The following PSMD7 variants were observed in gnomAD, a reference collection of about 807,000 sequenced individuals.
PSMD7 encodes 26S proteasome non-ATPase regulatory subunit 7.
PSMD7 carries 13 observed loss-of-function variants against 36.4 expected under a neutral mutation model. The observed-to-expected ratio is 0.36, with a 90% confidence interval of 0.23 to 0.57. The LOEUF (loss-of-function observed/expected upper bound fraction) is 0.57, where lower values mean the gene tolerates loss of function less well. Ranked by LOEUF, PSMD7 falls within the 20% of genes least tolerant of loss-of-function variation. The pLI, the probability that PSMD7 is intolerant of heterozygous loss-of-function variation, is 0.83. For synonymous variants in PSMD7, 186 were observed against 151.0 expected, an observed-to-expected ratio of 1.23 and a Z score of -1.70; for missense variants, 298 against 393.6, an observed-to-expected ratio of 0.76 and a Z score of 2.06.
At chr16:74,303,629 A>G (rs1287444133) in intron 5 of PSMD7, among the ~76,000 whole-genome samples, 1 of 152,142 alleles carries the variant, frequency 6.6e-6, no homozygotes, top group Non-Finnish European at 1.5e-5. Flanking sequence ...GAATCGTTTG[A>G]TCCAAGAGAC....
At chr16:74,300,279 G>T (rs1276250941) in intron 2 of PSMD7, 73 bp downstream of exon 2, 35 of 1,375,452 alleles carry the variant, frequency 2.5e-5, no homozygotes, top group Non-Finnish European at 2.7e-5. Context: ...ATAAACCTTT[G>T]TTACCGCTTT....
At chr16:74,303,974 AG>A (rs2034175844) in intron 5 of PSMD7, 1 of 176,720 alleles carries the variant, frequency 5.7e-6, no homozygotes, top group Non-Finnish European at 1.2e-5. Flanking sequence ...CTGAGATTAC[AG>A]GTCCGTGCCT....
intron 5 of PSMD7, among the ~76,000 whole-genome samples, chr16:74,303,122 T>C (rs566711630): frequency 6.6e-6 from 1 of 152,180 alleles, no homozygotes; most frequent in African/African-American, 2.4e-5. Flanking sequence ...AGGGGACATA[T>C]GGGTCATGTT....
Position 74,305,632 on chromosome 16 carries a change from G to A in PSMD7, c.874G>A (p.Glu292Lys). The A allele has an allele frequency of 6.3e-7, 1 of 1,585,600 alleles. No individual in the cohort carries two copies. Among genetic ancestry groups the A allele is most frequent in the Non-Finnish European group, 8.6e-7 (1 of 1,160,800 alleles). ...GGATGCAGAGAAGAAAGAAGGGCAG[G>A]AGAAAGAAGAGAGCAAAAAGGATAG... is the stretch of plus-strand genomic sequence containing the variant. ...NRDAEKKEGQ[E>K]KEESKKDRKE... Residue 292 changes from glutamate to lysine, a missense_variant, in exon 7 of 7, where the codon GAG (glutamate) becomes AAG (lysine). Physicochemically the swap from Glu to Lys is moderately conservative, Grantham distance 56. Coordinates refer to ENST00000219313, the MANE Select transcript of PSMD7 (RefSeq NM_002811.5).
intron 1 of PSMD7, among the ~76,000 whole-genome samples, chr16:74,297,905 T>C (rs984129716): frequency 6.6e-6 from 1 of 152,172 alleles, no homozygotes; most frequent in African/African-American, 2.4e-5. Context: ...CTGGATCAGC[T>C]GTGGTTTTAA....
At chr16:74,298,699 C>T (rs777117475) in intron 1 of PSMD7, among the ~76,000 whole-genome samples, 10 of 151,418 alleles carry the variant, frequency 6.6e-5, no homozygotes, top group Non-Finnish European at 1.3e-4. Flanking sequence ...CCCTTCTCTA[C>T]CAAAAAAAAA....
chr16:74,301,517 T>A (rs753978574), intron 3 of PSMD7, 38 bp from the exon 4 acceptor site: 194 of 1,453,416 alleles, frequency 1.3e-4, no homozygotes, highest in Non-Finnish European at 1.8e-4. Context: ...TAGATCTTCA[T>A]GAAATAGTTA....
chr16:74,298,383 T>G (rs1415246141), intron 1 of PSMD7, among the ~76,000 whole-genome samples: 1 of 152,200 alleles, frequency 6.6e-6, no homozygotes, highest in Non-Finnish European at 1.5e-5. Context: ...GCATCTGCTA[T>G]AAAGCCATTC....
chr16:74,305,323 C>T lies in PSMD7; in HGVS notation c.565C>T (p.Gln189Ter). 1 of 1,613,578 alleles carries T rather than the reference C, an allele frequency of 6.2e-7. No individual in the cohort carries two copies. Among genetic ancestry groups the T allele is most frequent in the Non-Finnish European group, 8.5e-7 (1 of 1,179,836 alleles). ...IKDTTVGTLS[Q>*]RITNQVHGLK... ...AGACACGACGGTGGGCACTCTGTCC[C>T]AGCGGATCACAAACCAGGTCCATGG... Residue 189 changes from glutamine (Q) to a stop codon, truncating the protein, a stop_gained, in exon 7 of 7, where the codon CAG becomes TAG. Transcript: ENST00000219313. LOFTEE classifies it high-confidence loss of function.
Position 74,305,492 on chromosome 16 carries a change from T to G in PSMD7, c.734T>G (p.Phe245Cys). The change falls in exon 7 of 7, where the codon TTC becomes TGC. Residue 245 changes from phenylalanine to cysteine, a missense_variant. Transcript: ENST00000219313. ...NLLPDVSLQE[F>C]VKAFYLKTND... is the part of the protein sequence containing the mutation. ...CTGCCAGATGTCAGCCTGCAGGAGT[T>G]CGTCAAGGCCTTTTACCTGAAGACC... 6.2e-7 allele frequency: 1 copy of G among 1,614,186 alleles called. No homozygotes were observed. Among genetic ancestry groups the G allele is most frequent in the Non-Finnish European group, 8.5e-7 (1 of 1,180,028 alleles).
rs768259581 is a variant in PSMD7 at position 74,305,385 on chromosome 16, G to C, written c.627G>C (p.Arg209Ser). 8.7e-6 allele frequency: 14 copies of C among 1,614,150 alleles called. No individual in the cohort carries two copies. The highest frequency in any genetic ancestry group is 1.6e-4 in the Middle Eastern group (1 of 6,062). ...TGAACTCCAAGCTTCTGGATATCAG[G>C]AGCTACCTGGAAAAAGTCGCCACAG... is the stretch of plus-strand genomic sequence containing the variant. ...KGLNSKLLDI[R>S]SYLEKVATGK... is the part of the protein sequence containing the mutation. Residue 209 changes from arginine (R) to serine (S), a missense_variant, in exon 7 of 7, where the codon AGG (arginine) becomes AGC (serine). Physicochemically the swap from Arg to Ser is moderately radical, Grantham distance 110. Coordinates refer to ENST00000219313, the MANE Select transcript of PSMD7 (RefSeq NM_002811.5).
intron 5 of PSMD7, 88 bp downstream of exon 5, chr16:74,302,380 C>A: frequency 9.5e-7 from 1 of 1,053,094 alleles, no homozygotes; most frequent in South Asian, 1.4e-5. Flanking sequence ...GTCAACAAAT[C>A]CTTTGTCTCC....
chr16:74,300,236 C>T (rs1414766642), intron 2 of PSMD7, 30 bp downstream of exon 2: 2 of 1,570,704 alleles, frequency 1.3e-6, no homozygotes, highest in Non-Finnish European at 1.8e-6. Flanking sequence ...TTTTTCCGAG[C>T]ATGATTAAAA....
chr16:74,304,282 T>G, intron 5 of PSMD7, 21 bp from the exon 6 acceptor site: 1 of 1,601,332 alleles, frequency 6.2e-7, no homozygotes, highest in Non-Finnish European at 8.6e-7. Context: ...TAAATAATTA[T>G]AGTTAGGCTT....
chr16:74,303,752 C>T (rs2034173967), intron 5 of PSMD7, among the ~76,000 whole-genome samples: 1 of 151,394 alleles, frequency 6.6e-6, no homozygotes, highest in East Asian at 1.9e-4. Context: ...AAGACAATCT[C>T]ACTCTGTTGC....
rs761290516 is a variant in PSMD7, at chr16:74,300,097, A to G, written c.75-18A>G. 1.9e-6 allele frequency: 3 copies of G among 1,609,836 alleles called. No individual in the cohort carries two copies. In the African/African-American group the frequency reaches 4.0e-5, roughly 22 times the overall value. On this transcript the variant is annotated intron_variant, in intron 1 of 6. Transcript: ENST00000219313. ...CTGTGCGAGCCTATCCACACTGACCATCTGTTTTCTCATTCAGAATCGGCA... is the reference window on the plus strand; with the variant it reads ...CTGTGCGAGCCTATCCACACTGACCGTCTGTTTTCTCATTCAGAATCGGCA...
At chr16:74,304,459 G>T (rs1287227766) in intron 6 of PSMD7, 65 bp downstream of exon 6, 3 of 1,444,156 alleles carry the variant, frequency 2.1e-6, no homozygotes, top group Non-Finnish European at 2.9e-6. Context: ...TAAGGAAGAG[G>T]TCTGTGTCGG....
At position 74,304,414 on chromosome 16, in the gene PSMD7, T is replaced by G; in HGVS notation, c.530+20T>G. The G allele has an allele frequency of 6.3e-7, 1 of 1,594,350 alleles. No homozygotes were observed. Among genetic ancestry groups the G allele is most frequent in the South Asian group, 1.1e-5 (1 of 90,632 alleles). ...GTTACGGTGAGACCCTAGTACAGCA[T>G]CAAAATCATTCACTGCCCGAGAGGT... On this transcript the variant is annotated intron_variant, in intron 6 of 6. Transcript: ENST00000219313.
chr16:74,302,361 A>G, intron 5 of PSMD7, 69 bp downstream of exon 5: 1 of 1,250,826 alleles, frequency 8.0e-7, no homozygotes, highest in Non-Finnish European at 1.1e-6. Context: ...TTTTTTTTTC[A>G]ATTTTCAGGT....
Sources: gnomAD v4.1 joint callset for allele counts (sites outside exome capture counted in the v4.1 genomes callset) on GRCh38, gnomAD v4.1.1 for gene constraint, MANE v1.5 for transcripts, NCBI Gene and HGNC (gene_info 2026-07-23, HGNC 2026-07-21) for gene names.